CACNG5: variants seen among roughly 807,000 people sequenced by gnomAD.
CACNG5 encodes the protein voltage-dependent calcium channel gamma-5 subunit.
A neutral mutation model predicts 24.8 loss-of-function variants in CACNG5; 18 were observed. That is an observed-to-expected ratio of 0.73 (90% CI 0.50 to 1.08). The LOEUF (loss-of-function observed/expected upper bound fraction) is 1.08. Ranked by LOEUF, CACNG5 falls within the 50% of genes least tolerant of loss-of-function variation. The pLI is 0.00. For synonymous variants in CACNG5, 157 were observed against 149.1 expected (o/e 1.05, Z -0.39); for missense variants, 349 against 367.9 (o/e 0.95, Z 0.42).
intron 2 of CACNG5, 60 bp downstream of exon 2, chr17:66,877,588 C>T: frequency 7.0e-7 from 1 of 1,436,384 alleles, no homozygotes; most frequent in South Asian, 1.2e-5. Context: ...CCCAAGAGGT[C>T]CCTCCCTGGG....
chr17:66,868,483 G>T (rs1976959644), intron 1 of CACNG5, among the ~76,000 whole-genome samples: 1 of 152,196 alleles, frequency 6.6e-6, no homozygotes, highest in Admixed American at 6.5e-5. Context: ...ACTCTCCAAA[G>T]GGCCTCAACA....
At chr17:66,854,663 C>T (rs1976747881) in intron 1 of CACNG5, among the ~76,000 whole-genome samples, 1 of 151,866 alleles carries the variant, frequency 6.6e-6, no homozygotes, top group South Asian at 2.1e-4. Flanking sequence ...CACTGCACTC[C>T]AGCCTGGGAA....
chr17:66,859,182 G>GT (rs1364534882), intron 1 of CACNG5, among the ~76,000 whole-genome samples: 1 of 152,208 alleles, frequency 6.6e-6, no homozygotes, highest in Admixed American at 6.5e-5. Context: ...CCATTGTAAA[G>GT]TTTTTTTCTC....
Position 66,839,649 on chromosome 17 carries a change from G to A in CACNG5, c.-104+4399G>A, listed in dbSNP as rs1032895489. Among the ~76,000 whole-genome samples the A allele has an allele frequency of 2.6e-5, 3 of 116,096 alleles. No homozygotes were observed. In the East Asian group the frequency reaches 1.1e-3, roughly 42 times the overall value. The allele number at this position is 116,096 out of a possible 152,430, so 76.2% of individuals were successfully genotyped here. On this transcript the variant is annotated intron_variant, in intron 1 of 5. Transcript: ENST00000533854. The stretch of plus-strand genomic sequence containing the variant: ...AAGAGCTTCCAAGCAGCTGCAGGAA[G>A]AGAAAATGGAGGAACATGGAGGGGG...
At chr17:66,847,572 C>T (rs201306368) in intron 1 of CACNG5, among the ~76,000 whole-genome samples, 1 of 40,344 alleles carries the variant, frequency 2.5e-5, no homozygotes. Context: ...CTACCTCCCC[C>T]TGGTCCCTCC....
intron 1 of CACNG5, among the ~76,000 whole-genome samples, chr17:66,857,008 CAAAT>C (rs1363854531): frequency 6.8e-6 from 1 of 146,968 alleles, no homozygotes; most frequent in South Asian, 2.1e-4. Flanking sequence ...TCATCAAAAA[CAAAT>C]AAACTTATCA....
intron 1 of CACNG5, among the ~76,000 whole-genome samples, chr17:66,839,958 C>T (rs1199272241): frequency 3.3e-5 from 5 of 152,316 alleles, no homozygotes; most frequent in Middle Eastern, 3.4e-3. Flanking sequence ...TATGGGCAGC[C>T]CACTCTCTAC....
At position 66,888,543 on chromosome 17, in the gene CACNG5, CAAAAAAAAAA is replaced by C. The variant is rs770809783; in HGVS notation, c.*3317_*3326del. Among the ~76,000 whole-genome samples, 2 of 62,638 alleles carry C rather than the reference CAAAAAAAAAA, an allele frequency of 3.2e-5. No individual in the cohort carries two copies. Among genetic ancestry groups the C allele is most frequent in the Admixed American group, 4.0e-4 (2 of 5,058 alleles). The allele number at this position is 62,638 out of a possible 152,430, so 41.1% of individuals were successfully genotyped here. A position where few individuals can be genotyped will look rare whatever the true frequency, so the allele number is the denominator to read the frequency against. On this transcript the variant is annotated 3_prime_UTR_variant, in exon 6 of 6. Coordinates refer to ENST00000533854, the MANE Select transcript of CACNG5 (RefSeq NM_145811.3). ...TGGGTGACAGAGCGAGACTCCGTCT[CAAAAAAAAAA>C]AAAAAAAAAAAAAGAGTTAAAGAAA...
chr17:66,863,366 C>CTGT (rs960967971), intron 1 of CACNG5, among the ~76,000 whole-genome samples: 1 of 151,552 alleles, frequency 6.6e-6, no homozygotes. Flanking sequence ...GTTGTTGTTG[C>CTGT]TGTTGTTGTT....
At position 66,860,287 on chromosome 17, in the gene CACNG5, T is replaced by C. The variant is rs187979103; in HGVS notation, c.-103-16943T>C. ...CATTCTGTGTCCCAACCTCCTTATC[T>C]GTAAAGTGGGGACAATAAGCTTGAT... On this transcript the variant is annotated intron_variant, in intron 1 of 5. Transcript: ENST00000533854. Among the ~76,000 whole-genome samples the C allele has an allele frequency of 2.4e-4, 36 of 152,266 alleles. 1 individual carries two copies. Among genetic ancestry groups the C allele is most frequent in the Admixed American group, 2.0e-3 (31 of 15,278 alleles).
chr17:66,856,545 C>CTT lies in CACNG5; in HGVS notation c.-103-20672_-103-20671dup, dbSNP rs60304454. 9.1e-3 allele frequency among the ~76,000 whole-genome samples: 1,302 copies of CTT among 142,904 alleles called. 33 individuals are homozygous for CTT. Among genetic ancestry groups the CTT allele is most frequent in the Admixed American group, 0.051 (729 of 14,284 alleles). The allele number at this position is 142,904 out of a possible 152,430, so 93.8% of individuals were successfully genotyped here. A position where few individuals can be genotyped will look rare whatever the true frequency, so the allele number is the denominator to read the frequency against. On this transcript the variant is annotated intron_variant, in intron 1 of 5. Transcript: ENST00000533854. ...AGGATCCCTCGTGTTGCCCCCCCGC[C>CTT]TTTTTTTTTTTTTTGAGACAGAGTC... is the stretch of plus-strand genomic sequence containing the variant.
chr17:66,860,852 T>G (rs1222496050), intron 1 of CACNG5, among the ~76,000 whole-genome samples: 1 of 146,448 alleles, frequency 6.8e-6, no homozygotes, highest in Non-Finnish European at 1.5e-5. Context: ...TAAGACTTTC[T>G]TGACATTTTT....
At chr17:66,835,957 T>A (rs1316049976) in intron 1 of CACNG5, among the ~76,000 whole-genome samples, 1 of 152,230 alleles carries the variant, frequency 6.6e-6, no homozygotes, top group Non-Finnish European at 1.5e-5. Context: ...GCTCTCATCC[T>A]AATTTGGCAG....
rs1976668170 is a variant in CACNG5, at chr17:66,848,564, T to TA, written c.-104+13315dup. ...CCTCTACAGATTCAGACTAAAGTGT[T>TA]ACTGGCTGATGGGACCATTTGCACC... On this transcript the variant is annotated intron_variant, in intron 1 of 5. Transcript: ENST00000533854. 4.6e-5 allele frequency among the ~76,000 whole-genome samples: 7 copies of TA among 152,350 alleles called. No homozygotes were observed. In the South Asian group the frequency reaches 1.4e-3, roughly 32 times the overall value.
chr17:66,880,673 T>C lies in CACNG5; in HGVS notation c.400T>C (p.Ser134Pro). 6.2e-7 allele frequency: 1 copy of C among 1,614,248 alleles called. No homozygotes were observed. The highest frequency in any genetic ancestry group is 8.5e-7 in the Non-Finnish European group (1 of 1,180,028). ...CCACCGGACGATACTGGCCTTTGTC[T>C]CTGGCATCTTCTTTATCCTCTCAGG... The part of the protein sequence containing the change: ...RPHRTILAFV[S>P]GIFFILSGLS... Residue 134 changes from serine (S) to proline (P), a missense_variant, in exon 4 of 6, where the codon TCT becomes CCT. Coordinates refer to ENST00000533854, the MANE Select transcript of CACNG5 (RefSeq NM_145811.3).
At chr17:66,877,082 G>A (rs1598060530) in intron 1 of CACNG5, 148 bp from the exon 2 acceptor site, 6 of 460,836 alleles carry the variant, frequency 1.3e-5, no homozygotes, top group Middle Eastern at 5.7e-4. Context: ...TGCCAAGAAC[G>A]CTCTGAATTG....
intron 1 of CACNG5, among the ~76,000 whole-genome samples, chr17:66,840,702 C>T (rs1021112107): frequency 6.6e-6 from 1 of 152,184 alleles, no homozygotes; most frequent in Non-Finnish European, 1.5e-5. Context: ...TCCCCAATAA[C>T]TCTCACTGTC....
At position 66,890,685 on chromosome 17, in the gene CACNG5, C is replaced by T. The variant is rs552502774; in HGVS notation, c.*5445C>T. On this transcript the variant is annotated 3_prime_UTR_variant, in exon 6 of 6. Coordinates refer to ENST00000533854, the MANE Select transcript of CACNG5 (RefSeq NM_145811.3). ...CTGGTTCAGAGGCCTGAGTTCTCAT[C>T]AGGTGCTGCTGCACCCTCTGTGTGT... Among the ~76,000 whole-genome samples the T allele has an allele frequency of 6.6e-6, 1 of 152,330 alleles. No individual in the cohort carries two copies. The highest frequency in any genetic ancestry group is 2.1e-4 in the South Asian group (1 of 4,824).
intron 1 of CACNG5, among the ~76,000 whole-genome samples, chr17:66,851,390 C>G (rs910571081): frequency 5.9e-5 from 9 of 152,178 alleles, no homozygotes; most frequent in African/African-American, 1.9e-4. Flanking sequence ...TGAGGGGAAG[C>G]CTTGCTGAAG....
Sources: allele counts gnomAD v4.1 joint callset (sites outside exome capture counted in the v4.1 genomes callset), GRCh38; gene constraint gnomAD v4.1.1; transcripts MANE v1.5; gene names NCBI Gene and HGNC (gene_info 2026-07-23, HGNC 2026-07-21).